MYO3A: variants seen among roughly 807,000 people sequenced by gnomAD.
MYO3A encodes the protein myosin-IIIa.
In MYO3A, 180 loss-of-function variants were observed where a neutral mutation model predicts 192.7. The ratio of observed to expected loss-of-function variants is 0.93; its 90% CI spans 0.83 to 1.06. The LOEUF is 1.06. MYO3A is among the 50% of genes least tolerant of loss of function. The probability of loss-of-function intolerance (pLI) is 0.00; values close to 1 mark genes in which losing one functional copy is unlikely to be tolerated. For missense variants in MYO3A, 1,896 were observed against 1,905.0 expected, an observed-to-expected ratio of 1.00 and a Z score of 0.09; for synonymous variants, 628 against 645.3, an observed-to-expected ratio of 0.97 and a Z score of 0.41.
At chr10:26,005,889 T>C (rs17738672) in intron 6 of MYO3A, among the ~76,000 whole-genome samples, 6,638 of 152,116 alleles carry the variant, frequency 0.044, 179 homozygotes, top group Non-Finnish European at 0.065. Context: ...TTTTTGTACT[T>C]TGAGGAGGCG....
chr10:26,041,107 C>T (rs1344324863), intron 10 of MYO3A, among the ~76,000 whole-genome samples: 1 of 152,004 alleles, frequency 6.6e-6, no homozygotes, highest in East Asian at 1.9e-4. Context: ...ATTGTTATAT[C>T]CTCCTGCTGA....
intron 6 of MYO3A, 48 bp downstream of exon 6, chr10:25,997,306 T>C (rs764345785): frequency 7.5e-7 from 1 of 1,333,198 alleles, no homozygotes; most frequent in Admixed American, 1.7e-5. Flanking sequence ...AATGAACTAG[T>C]ATGATATGAT....
intron 4 of MYO3A, among the ~76,000 whole-genome samples, chr10:25,968,530 A>G (rs7077414): frequency 0.096 from 14,575 of 152,252 alleles, 1,242 homozygotes; most frequent in African/African-American, 0.22. Context: ...TACTTGTTGT[A>G]TCTTTGAAAG....
chr10:26,006,721 A>C (rs1490800599), intron 6 of MYO3A, among the ~76,000 whole-genome samples: 2 of 152,030 alleles, frequency 1.3e-5, no homozygotes, highest in Non-Finnish European at 2.9e-5. Flanking sequence ...ACAGGCTCTG[A>C]AATTGTGGCA....
At chr10:26,061,354 ACTT>A (rs1834467979) in intron 10 of MYO3A, among the ~76,000 whole-genome samples, 1 of 152,176 alleles carries the variant, frequency 6.6e-6, no homozygotes, top group Non-Finnish European at 1.5e-5. Context: ...AAATATGAGA[ACTT>A]CTCCACTAGT....
At chr10:26,149,628 T>C (rs1840683631) in intron 23 of MYO3A, among the ~76,000 whole-genome samples, 1 of 152,190 alleles carries the variant, frequency 6.6e-6, no homozygotes, top group Admixed American at 6.5e-5. Flanking sequence ...TTTGTTATTT[T>C]TTTAAATTGA....
At chr10:26,143,394 T>C in intron 20 of MYO3A, 54 bp from the exon 21 acceptor site, 1 of 1,527,900 alleles carries the variant, frequency 6.5e-7, no homozygotes. Flanking sequence ...TTTAGGTAAT[T>C]ACTATGAAGC....
chr10:26,150,132 A>T (rs894582225), intron 23 of MYO3A, among the ~76,000 whole-genome samples: 1 of 152,080 alleles, frequency 6.6e-6, no homozygotes, highest in Non-Finnish European at 1.5e-5. Flanking sequence ...ATTATGAACA[A>T]TGCTGTATCT....
chr10:26,020,213 T>C (rs1325629251), intron 7 of MYO3A, among the ~76,000 whole-genome samples: 2 of 152,200 alleles, frequency 1.3e-5, no homozygotes, highest in African/African-American at 4.8e-5. Flanking sequence ...TATCCCTTCC[T>C]CTATCCCAAC....
intron 31 of MYO3A, among the ~76,000 whole-genome samples, chr10:26,181,787 A>C (rs75533997): frequency 9.9e-5 from 15 of 151,192 alleles, no homozygotes; most frequent in Admixed American, 4.0e-4. Flanking sequence ...AAAAAAAAAA[A>C]CCCCACTGAA....
Position 26,006,941 on chromosome 10 carries a change from T to G in MYO3A, c.508+9683T>G, listed in dbSNP as rs1384321672. On this transcript the variant is annotated intron_variant, in intron 6 of 34. Coordinates refer to ENST00000642920, the MANE Select transcript of MYO3A (RefSeq NM_017433.5). The stretch of plus-strand genomic sequence containing the variant: ...GAGACACAACCAAAAAAGAGAATTT[T>G]AGACCAATATCCTTGATGAACATTG... Among the ~76,000 whole-genome samples the G allele has an allele frequency of 2.0e-5, 3 of 149,668 alleles. No individual in the cohort carries two copies. The East Asian group carries it at 5.8e-4, about 29-fold the overall frequency.
intron 6 of MYO3A, among the ~76,000 whole-genome samples, chr10:26,002,990 A>G (rs140623121): frequency 9.2e-5 from 14 of 152,166 alleles, no homozygotes; most frequent in African/African-American, 3.1e-4. Flanking sequence ...AGAACCAGGT[A>G]CAGTGCTAAC....
intron 4 of MYO3A, among the ~76,000 whole-genome samples, chr10:25,986,420 C>G (rs1416836741): frequency 1.3e-5 from 2 of 152,168 alleles, no homozygotes; most frequent in African/African-American, 4.8e-5. Context: ...CAAACTGTCA[C>G]TCTTTGCTGA....
chr10:26,070,014 T>C, intron 12 of MYO3A, 97 bp from the exon 13 acceptor site: 1 of 843,630 alleles, frequency 1.2e-6, no homozygotes, highest in Non-Finnish European at 1.9e-6. Context: ...TGTTTTTATT[T>C]ATACTTTGCT....
intron 25 of MYO3A, among the ~76,000 whole-genome samples, 160 bp from the exon 26 acceptor site, chr10:26,157,150 A>G (rs1841185154): frequency 6.6e-6 from 1 of 152,238 alleles, no homozygotes; most frequent in Non-Finnish European, 1.5e-5. Context: ...CTATAAATAA[A>G]ATGTTCATTA....
chr10:26,086,871 G>A (rs1222417620), intron 14 of MYO3A, among the ~76,000 whole-genome samples: 1 of 152,180 alleles, frequency 6.6e-6, no homozygotes, highest in Non-Finnish European at 1.5e-5. Flanking sequence ...CAGGCTGATA[G>A]AGTTTCTCAT....
chr10:25,945,084 A>G (rs1235310981), intron 2 of MYO3A, among the ~76,000 whole-genome samples: 2 of 151,752 alleles, frequency 1.3e-5, no homozygotes, highest in Non-Finnish European at 2.9e-5. Flanking sequence ...GCTATGTTGT[A>G]TTTTTATTTT....
At chr10:26,024,845 G>C (rs1476367225) in intron 9 of MYO3A, among the ~76,000 whole-genome samples, 12 of 152,128 alleles carry the variant, frequency 7.9e-5, no homozygotes, top group African/African-American at 2.9e-4. Flanking sequence ...TGTCCTGGTT[G>C]CTATTGATTT....
chr10:26,125,730 T>C, intron 19 of MYO3A, 122 bp downstream of exon 19: 1 of 865,770 alleles, frequency 1.2e-6, no homozygotes, highest in Admixed American at 2.3e-5. Flanking sequence ...ATTAAATTAT[T>C]AAAATGATAA....
Sources: gnomAD v4.1 joint callset for allele counts (sites outside exome capture counted in the v4.1 genomes callset) on GRCh38, gnomAD v4.1.1 for gene constraint, MANE v1.5 for transcripts, NCBI Gene and HGNC (gene_info 2026-07-23, HGNC 2026-07-21) for gene names.